Variants in FRK observed in about 807,000 individuals in gnomAD.
FRK encodes the protein fyn related Src family tyrosine kinase, also known as tyrosine-protein kinase FRK.
A neutral mutation model predicts 56.4 loss-of-function variants in FRK; 51 were observed. The observed-to-expected ratio is 0.90, with a 90% CI of 0.72 to 1.14. FRK has a LOEUF of 1.14. FRK is among the 50% of genes most tolerant of loss of function. The pLI, the probability that FRK is intolerant of heterozygous loss-of-function variation, is 0.00. For missense variants in FRK, 570 were observed against 601.4 expected (o/e 0.95, Z 0.55); for synonymous variants, 245 against 217.9 (o/e 1.12, Z -1.10).
intron 6 of FRK, among the ~76,000 whole-genome samples, chr6:115,943,603 G>A (rs1035683551): frequency 6.6e-6 from 1 of 151,756 alleles, no homozygotes; most frequent in African/African-American, 2.4e-5. Context: ...TGAAAAGTAG[G>A]ATCCAAGTGT....
At chr6:115,991,609 C>T (rs1774609435) in intron 2 of FRK, among the ~76,000 whole-genome samples, 1 of 151,608 alleles carries the variant, frequency 6.6e-6, no homozygotes, top group Non-Finnish European at 1.5e-5. Flanking sequence ...TCCATTTATT[C>T]CTGAAATAAA....
intron 1 of FRK, among the ~76,000 whole-genome samples, chr6:116,030,505 T>C (rs1329955501): frequency 1.3e-5 from 2 of 152,024 alleles, no homozygotes; most frequent in Non-Finnish European, 2.9e-5. Flanking sequence ...GGGTAACACA[T>C]GGTGGGCTTC....
intron 2 of FRK, among the ~76,000 whole-genome samples, chr6:116,001,908 T>A (rs1394744184): frequency 3.3e-5 from 5 of 152,162 alleles, no homozygotes; most frequent in Non-Finnish European, 7.4e-5. Flanking sequence ...TGATGCAGAA[T>A]CTCTTCTGAA....
rs1772031261 is a variant in FRK, at chr6:115,935,715, C to G, written c.*6699G>C. 1 of 152,246 alleles carries G rather than the reference C, an allele frequency of 6.6e-6. No individual in the cohort carries two copies. The highest frequency in any genetic ancestry group is 2.1e-4 in the South Asian group (1 of 4,824). The allele number at this position is 152,246 out of a possible 1,614,324, so 9.4% of individuals were successfully genotyped here. ...TGAGTAGGCATTTTACCCTCACAGT[C>G]TAAACAAAGCTGCCTGGGAGTTCGA... On this transcript the variant is annotated 3_prime_UTR_variant, in exon 8 of 8. Coordinates refer to ENST00000606080, the MANE Select transcript of FRK (RefSeq NM_002031.3).
At chr6:116,010,122 T>C (rs1215370781) in intron 1 of FRK, among the ~76,000 whole-genome samples, 1 of 151,750 alleles carries the variant, frequency 6.6e-6, no homozygotes, top group African/African-American at 2.4e-5. Flanking sequence ...CTCGGGAGGC[T>C]GAGGCAGGAG....
chr6:116,012,724 G>C (rs1370497108), intron 1 of FRK, among the ~76,000 whole-genome samples: 2 of 152,172 alleles, frequency 1.3e-5, no homozygotes, highest in African/African-American at 4.8e-5. Context: ...TAATGCCTGT[G>C]TTTTTGTGTA....
chr6:116,040,537 A>G (rs1776672584), intron 1 of FRK, among the ~76,000 whole-genome samples: 2 of 152,108 alleles, frequency 1.3e-5, no homozygotes, highest in South Asian at 4.1e-4. Context: ...GTCTCTTGAA[A>G]CTTTTTTCAC....
Position 115,985,922 on chromosome 6 carries a change from T to C in FRK, c.467-17183A>G, listed in dbSNP as rs1774372295. Among the ~76,000 whole-genome samples the C allele has an allele frequency of 1.3e-5, 2 of 150,882 alleles. 1 individual carries two copies. The highest frequency in any genetic ancestry group is 3.0e-5 in the Non-Finnish European group (2 of 67,642). Reference sequence around the variant, plus strand: ...AGCAGCAAAATCATTATGATTAGAATGCTGAGTGCTTATATTATACATATA... The same window carrying C: ...AGCAGCAAAATCATTATGATTAGAACGCTGAGTGCTTATATTATACATATA... On this transcript the variant is annotated intron_variant, in intron 2 of 7. Transcript: ENST00000606080.
intron 1 of FRK, among the ~76,000 whole-genome samples, chr6:116,018,451 C>G (rs1312886906): frequency 6.6e-6 from 1 of 152,122 alleles, no homozygotes; most frequent in African/African-American, 2.4e-5. Context: ...CCAGAACAAG[C>G]CTATACCCTG....
chr6:115,960,538 C>A (rs1773313570), intron 4 of FRK, among the ~76,000 whole-genome samples: 1 of 144,418 alleles, frequency 6.9e-6, no homozygotes, highest in Non-Finnish European at 1.5e-5. Flanking sequence ...TGGGTGGAGC[C>A]CACCACAGCT....
intron 4 of FRK, among the ~76,000 whole-genome samples, chr6:115,962,298 A>T (rs1292983855): frequency 6.6e-6 from 1 of 150,712 alleles, no homozygotes; most frequent in Non-Finnish European, 1.5e-5. Context: ...AGAGACAAAG[A>T]AGGCCATTAC....
intron 2 of FRK, among the ~76,000 whole-genome samples, chr6:115,970,525 T>C (rs1773765705): frequency 6.6e-6 from 1 of 152,202 alleles, no homozygotes; most frequent in African/African-American, 2.4e-5. Flanking sequence ...GAATGCAAAT[T>C]TGTAAATAAA....
chr6:116,065,334 A>G (rs766763617), upstream of FRK, among the ~76,000 whole-genome samples: 17 of 152,198 alleles, frequency 1.1e-4, no homozygotes, highest in Non-Finnish European at 1.0e-4. Context: ...ACACAGTAAC[A>G]TATTCCCCCA....
the FRK span, among the ~76,000 whole-genome samples, chr6:116,072,182 A>G: frequency 1.3e-5 from 2 of 152,178 alleles, no homozygotes; most frequent in East Asian, 3.9e-4. Context: ...GGACTATTGC[A>G]CTCTATTATA....
At chr6:115,957,265 T>C (rs186507860) in intron 4 of FRK, among the ~76,000 whole-genome samples, 45 of 152,252 alleles carry the variant, frequency 3.0e-4, no homozygotes, top group Non-Finnish European at 3.1e-4. Flanking sequence ...GGAGAGACAA[T>C]ATTAAGGCCT....
At chr6:116,093,525 G>C in the FRK span, among the ~76,000 whole-genome samples, 1 of 152,200 alleles carries the variant, frequency 6.6e-6, no homozygotes, top group Non-Finnish European at 1.5e-5. Context: ...CCGAGAGTTT[G>C]GAGATACCTG....
Position 115,935,194 on chromosome 6 carries a change from G to C in FRK, c.*7220C>G, listed in dbSNP as rs576092378. 2.6e-5 allele frequency: 4 copies of C among 152,544 alleles called. No individual in the cohort carries two copies. Among genetic ancestry groups the C allele is most frequent in the African/African-American group, 9.6e-5 (4 of 41,596 alleles). The allele number at this position is 152,544 out of a possible 1,614,324, so 9.4% of individuals were successfully genotyped here. On this transcript the variant is annotated 3_prime_UTR_variant, in exon 8 of 8. Coordinates refer to ENST00000606080, the MANE Select transcript of FRK (RefSeq NM_002031.3). ...TTGGACAGTGGGTGCAGCCCATGGA[G>C]GGCCAGCTGAAACAGGGTGGGGTGT...
At chr6:115,944,512 T>A in intron 5 of FRK, 87 bp from the exon 6 acceptor site, 1 of 997,472 alleles carries the variant, frequency 1.0e-6, no homozygotes, top group Non-Finnish European at 1.5e-6. Context: ...ATGTATGAGC[T>A]ATCAGTGAGA....
intron 5 of FRK, among the ~76,000 whole-genome samples, chr6:115,946,242 T>C (rs1474337929): frequency 6.6e-6 from 1 of 152,118 alleles, no homozygotes; most frequent in Non-Finnish European, 1.5e-5. Flanking sequence ...CCAGGAAACC[T>C]GGTTTGAAGC....
Sources: allele counts gnomAD v4.1 joint callset (sites outside exome capture counted in the v4.1 genomes callset), GRCh38; gene constraint gnomAD v4.1.1; transcripts MANE v1.5; gene names NCBI Gene and HGNC (gene_info 2026-07-23, HGNC 2026-07-21).